Variants in POLL observed in about 807,000 individuals in gnomAD.
The protein encoded by POLL is DNA polymerase lambda, also known as DNA polymerase beta-2.
In POLL, 44 loss-of-function variants were observed where a neutral mutation model predicts 58.1. The ratio of observed to expected loss-of-function variants is 0.76; its 90% CI spans 0.60 to 0.97. The LOEUF is 0.97. POLL is among the 50% of genes least tolerant of loss of function. The pLI is 0.00. For missense variants in POLL, 632 were observed against 736.8 expected, an observed-to-expected ratio of 0.86 and a Z score of 1.65; for synonymous variants, 290 against 283.2, an observed-to-expected ratio of 1.02 and a Z score of -0.24.
At position 101,587,906 on chromosome 10, in the gene POLL, G is replaced by C. The variant is rs906935284; in HGVS notation, c.-131C>G. On this transcript the variant is annotated 5_prime_UTR_variant, in exon 1 of 9. Transcript: ENST00000370162. ...GCACCTGTCCTGGTCTCAGCCTCTC[G>C]ACATGGGGGTGCTCAGCGCCGCAGC... 10 of 1,206,266 alleles carry C rather than the reference G, an allele frequency of 8.3e-6. No individual in the cohort carries two copies. Among genetic ancestry groups the C allele is most frequent in the African/African-American group, 3.2e-5 (2 of 63,286 alleles). The allele number at this position is 1,206,266 out of a possible 1,614,324, so 74.7% of individuals were successfully genotyped here.
At chr10:101,586,284 C>T in intron 2 of POLL, 128 bp from the exon 3 acceptor site, 1 of 809,918 alleles carries the variant, frequency 1.2e-6, no homozygotes, top group Admixed American at 2.8e-5. Flanking sequence ...TGAAAATAAG[C>T]ATTTCCCTTC....
rs1437394809 is a variant in POLL at position 101,583,361 on chromosome 10, G to A, written c.1065+147C>T. Reference sequence around the variant, plus strand: ...GAGCTGAGGGGTCTATATGAGTCCTGGTCCGCTTGAAAAATGGTCTCCCTA... The same window carrying A: ...GAGCTGAGGGGTCTATATGAGTCCTAGTCCGCTTGAAAAATGGTCTCCCTA... On this transcript the variant is annotated intron_variant, in intron 6 of 8. Transcript: ENST00000370162. The A allele has an allele frequency of 3.7e-6, 3 of 804,526 alleles. No individual in the cohort carries two copies. The Admixed American group carries it at 7.5e-5, about 20-fold the overall frequency. 49.8% of individuals were successfully genotyped at this position (804,526 alleles called of 1,614,324 possible).
Position 101,588,226 on chromosome 10 carries a change from C to A in POLL, c.-451G>T, listed in dbSNP as rs756010355. 1.9e-6 allele frequency: 3 copies of A among 1,547,544 alleles called. No individual in the cohort carries two copies. In the African/African-American group the frequency reaches 4.1e-5, roughly 21 times the overall value. Reference sequence around the variant, plus strand: ...TACCAGCAGAGCCAATGAGAGCGGACGAAGGGGGGAAGGAGGGCAAATGGC... The same window carrying A: ...TACCAGCAGAGCCAATGAGAGCGGAAGAAGGGGGGAAGGAGGGCAAATGGC... On this transcript the variant is annotated 5_prime_UTR_variant, in exon 1 of 9. Transcript: ENST00000370162.
At chr10:101,586,363 A>T (rs2063334596) in intron 2 of POLL, among the ~76,000 whole-genome samples, 1 of 152,246 alleles carries the variant, frequency 6.6e-6, no homozygotes, top group African/African-American at 2.4e-5. Context: ...GTAAGGGACA[A>T]GGATTTTCAT....
At chr10:101,587,153 A>C in intron 2 of POLL, 93 bp downstream of exon 2, 1 of 1,610,078 alleles carries the variant, frequency 6.2e-7, no homozygotes, top group Non-Finnish European at 8.5e-7. Context: ...AGTCAGCTCC[A>C]ATATCTGATT....
In POLL at chr10:101,587,910, T is replaced by A. The variant is rs975544246; in HGVS notation, c.-135A>T. On this transcript the variant is annotated 5_prime_UTR_variant, in exon 1 of 9. It removes an upstream start codon present in the reference 5' UTR. Coordinates refer to ENST00000370162, the MANE Select transcript of POLL (RefSeq NM_001174084.2). ...CTGTCCTGGTCTCAGCCTCTCGACATGGGGGTGCTCAGCGCCGCAGCTGCG... is the reference window on the plus strand; with the variant it reads ...CTGTCCTGGTCTCAGCCTCTCGACAAGGGGGTGCTCAGCGCCGCAGCTGCG... The A allele has an allele frequency of 1.6e-6, 2 of 1,212,308 alleles. No individual in the cohort carries two copies. Among genetic ancestry groups the A allele is most frequent in the Admixed American group, 3.2e-5 (1 of 30,796 alleles). 75.1% of individuals were successfully genotyped at this position (1,212,308 alleles called of 1,614,324 possible). A position where few individuals can be genotyped will look rare whatever the true frequency, so the allele number is the denominator to read the frequency against.
chr10:101,584,977 T>C, intron 4 of POLL, 58 bp from the exon 5 acceptor site: 3 of 975,102 alleles, frequency 3.1e-6, no homozygotes, highest in Non-Finnish European at 4.0e-6. Context: ...GAAGGGATCC[T>C]TAAAGGTGGG....
In POLL at chr10:101,582,753, A is replaced by G; in HGVS notation, c.1194+10T>C. On this transcript the variant is annotated intron_variant, in intron 7 of 8. Transcript: ENST00000370162. ...CTGGCTGTCCTCACTGCTCTGGGACACCTGCTTACTGTCTGCTCAATCTCT... is the reference window on the plus strand; with the variant it reads ...CTGGCTGTCCTCACTGCTCTGGGACGCCTGCTTACTGTCTGCTCAATCTCT... The G allele has an allele frequency of 6.2e-7, 1 of 1,612,944 alleles. No individual in the cohort carries two copies. Among genetic ancestry groups the G allele is most frequent in the Non-Finnish European group, 8.5e-7 (1 of 1,178,968 alleles).
Position 101,579,022 on chromosome 10 carries a change from C to G in POLL, c.*431G>C, listed in dbSNP as rs752432002. The G allele has an allele frequency of 4.8e-6, 1 of 208,794 alleles. No individual in the cohort carries two copies. The highest frequency in any genetic ancestry group is 2.3e-5 in the African/African-American group (1 of 43,398). The allele number at this position is 208,794 out of a possible 1,614,324, so 12.9% of individuals were successfully genotyped here. A position where few individuals can be genotyped will look rare whatever the true frequency, so the allele number is the denominator to read the frequency against. ...GAACACATGTGGAATGGCTGTTCTC[C>G]TACCCCAGAGGGTGCCGGATGATGT... is the stretch of plus-strand genomic sequence containing the variant. On this transcript the variant is annotated 3_prime_UTR_variant, in exon 9 of 9. Transcript: ENST00000370162. This position sits in a 1 kb window ranked among gnomAD's most constrained non-coding sequence, Gnocchi z 4.4.
rs771438395 is a variant in POLL, at chr10:101,585,294, TGAGG to T, written c.573+18_573+21del. 51 of 1,507,772 alleles carry T rather than the reference TGAGG, an allele frequency of 3.4e-5. No individual in the cohort carries two copies. Among genetic ancestry groups the T allele is most frequent in the Non-Finnish European group, 4.5e-5 (51 of 1,127,220 alleles). The allele number at this position is 1,507,772 out of a possible 1,614,324, so 93.4% of individuals were successfully genotyped here. A position where few individuals can be genotyped will look rare whatever the true frequency, so the allele number is the denominator to read the frequency against. On this transcript the variant is annotated intron_variant, in intron 4 of 8. Coordinates refer to ENST00000370162, the MANE Select transcript of POLL (RefSeq NM_001174084.2). The stretch of plus-strand genomic sequence containing the variant: ...TCTGCTTCCTAGGGGAAGGGAGTTC[TGAGG>T]GATGGGAGGCTCCTGACCTGGGCTT...
intron 7 of POLL, chr10:101,581,670 A>G (rs943774879): frequency 2.6e-5 from 4 of 152,248 alleles, no homozygotes; most frequent in Non-Finnish European, 5.9e-5. Context: ...TCTCTAATCT[A>G]GCTTTTACAT....
intron 7 of POLL, 140 bp downstream of exon 7, chr10:101,582,623 G>T: frequency 8.4e-6 from 7 of 837,302 alleles, no homozygotes; most frequent in Non-Finnish European, 1.2e-5. Context: ...GTCTTAACTT[G>T]CTCTGTGCTC....
rs2062892894 is a variant in POLL, at chr10:101,580,007, A to G, written c.1364-190T>C. 1.4e-6 allele frequency: 1 copy of G among 733,570 alleles called. No homozygotes were observed. Among genetic ancestry groups the G allele is most frequent in the East Asian group, 2.7e-5 (1 of 36,898 alleles). The allele number at this position is 733,570 out of a possible 1,614,324, so 45.4% of individuals were successfully genotyped here. On this transcript the variant is annotated intron_variant, in intron 8 of 8. Transcript: ENST00000370162. The surrounding 1 kb of genome is among the most constrained non-coding windows in gnomAD (Gnocchi z 4.1). ...TCCCATCTCCCCCATAGTGTCACAG[A>G]AAGATCAGATGAGATACTTGGCCTG...
At chr10:101,581,008 C>T (rs2062955962) in intron 7 of POLL, 1 of 152,214 alleles carries the variant, frequency 6.6e-6, no homozygotes, top group Non-Finnish European at 1.5e-5. Flanking sequence ...AGCCAACACC[C>T]ACATCCTTTC....
chr10:101,581,085 C>T (rs1318992440), intron 7 of POLL: 3 of 152,254 alleles, frequency 2.0e-5, no homozygotes, highest in African/African-American at 7.2e-5. Flanking sequence ...AAAAATAAAC[C>T]CATTAGCCTC....
chr10:101,579,160 CT>C lies in POLL; in HGVS notation c.*292del. Reference sequence around the variant, plus strand: ...GGGGCTTCAAACCAGCCACCTGCTCCTGCTTAAAATGGGGCAAGGGGCCATT... The same window carrying C: ...GGGGCTTCAAACCAGCCACCTGCTCCGCTTAAAATGGGGCAAGGGGCCATT... On this transcript the variant is annotated 3_prime_UTR_variant, in exon 9 of 9. Transcript: ENST00000370162. The surrounding 1 kb of genome is among the most constrained non-coding windows in gnomAD (Gnocchi z 4.4). 1 of 406,664 alleles carries C rather than the reference CT, an allele frequency of 2.5e-6. No homozygotes were observed. The highest frequency in any genetic ancestry group is 3.7e-5 in the South Asian group (1 of 26,820). The allele number at this position is 406,664 out of a possible 1,614,324, so 25.2% of individuals were successfully genotyped here.
At position 101,586,072 on chromosome 10, in the gene POLL, T is replaced by C; in HGVS notation, c.200A>G (p.Gln67Arg). ...GGCAGGGCATAGCTGGCCGCCATGC[T>C]GAACAATCTGCTTCTCAAAGAGTTC... is the stretch of plus-strand genomic sequence containing the variant. The part of the protein sequence containing the change: ...RAELFEKQIV[Q>R]HGGQLCPAQG... The change falls in exon 3 of 9, where the codon CAG (glutamine) becomes CGG (arginine). Residue 67 changes from glutamine to arginine, a missense_variant. Gln to Arg is a conservative substitution (Grantham distance 43, BLOSUM62 1). Transcript: ENST00000370162. 1.9e-6 allele frequency: 3 copies of C among 1,614,122 alleles called. No homozygotes were observed. The highest frequency in any genetic ancestry group is 1.1e-5 in the South Asian group (1 of 91,086).
rs1018118835 is a variant in POLL, at chr10:101,579,565, T to C, written c.1616A>G (p.Asn539Ser). ...AGGCCCCACCTTGCAGCCATGGGTG[T>C]TCCGGACCACAGCAGTGCTGAGGGC... ...EHALSTAVVRNTHGCKVGPGR... is the reference protein window; with the variant it reads ...EHALSTAVVRSTHGCKVGPGR... Residue 539 changes from asparagine to serine, a missense_variant, in exon 9 of 9, where the codon AAC (asparagine) becomes AGC (serine). Asn to Ser is a conservative substitution (Grantham distance 46). Transcript: ENST00000370162. This position sits in a 1 kb window ranked among gnomAD's most constrained non-coding sequence, Gnocchi z 4.4. The C allele has an allele frequency of 6.2e-7, 1 of 1,613,922 alleles. No individual in the cohort carries two copies. Among genetic ancestry groups the C allele is most frequent in the African/African-American group, 1.3e-5 (1 of 75,000 alleles).
At chr10:101,585,660 T>G (rs930723111) in intron 3 of POLL, among the ~76,000 whole-genome samples, 182 bp from the exon 4 acceptor site, 2 of 152,126 alleles carry the variant, frequency 1.3e-5, no homozygotes, top group Non-Finnish European at 2.9e-5. Context: ...TGGAGTACAG[T>G]GGTACGATCA....
Sources: gnomAD v4.1 joint callset for allele counts (sites outside exome capture counted in the v4.1 genomes callset) on GRCh38, gnomAD v4.1.1 for gene constraint, Gnocchi (gnomAD v3.1) non-coding constraint, MANE v1.5 for transcripts, NCBI Gene and HGNC (gene_info 2026-07-23, HGNC 2026-07-21) for gene names.